Variants in CEP63 observed in about 807,000 individuals in gnomAD.
The protein encoded by CEP63 is centrosomal protein 63, also known as centrosomal protein of 63 kDa.
In CEP63, 84 loss-of-function variants were observed where a neutral mutation model predicts 89.1. The ratio of observed to expected loss-of-function variants is 0.94; its 90% CI spans 0.79 to 1.13. The LOEUF is 1.13. Among genes scored for constraint, CEP63 ranks in the 50% most tolerant of loss-of-function variants. The pLI is 0.00. For synonymous variants in CEP63, 267 were observed against 272.5 expected, an observed-to-expected ratio of 0.98 and a Z score of 0.20; for missense variants, 838 against 813.3, an observed-to-expected ratio of 1.03 and a Z score of -0.37.
the CEP63 span, among the ~76,000 whole-genome samples, chr3:134,766,840 T>G: frequency 1.3e-5 from 2 of 152,214 alleles, no homozygotes; most frequent in South Asian, 4.2e-4. Context: ...GCCTTTAAGT[T>G]TCAGTTTGCC....
At chr3:134,524,910 A>G (rs1456491985) in intron 3 of CEP63, among the ~76,000 whole-genome samples, 1 of 152,174 alleles carries the variant, frequency 6.6e-6, no homozygotes, top group East Asian at 1.9e-4. Context: ...TGGGTTAGAG[A>G]GGAGTCCCTC....
chr3:134,661,272 A>C, the CEP63 span, among the ~76,000 whole-genome samples: 1 of 152,086 alleles, frequency 6.6e-6, no homozygotes, highest in South Asian at 2.1e-4. Flanking sequence ...CCACTTAGCT[A>C]TTCCTTCCAT....
the CEP63 span, among the ~76,000 whole-genome samples, chr3:134,767,353 CTG>C: frequency 6.6e-6 from 1 of 152,146 alleles, no homozygotes; most frequent in East Asian, 1.9e-4. Context: ...AACTAAAAGA[CTG>C]TTTCAATTGG....
the CEP63 span, chr3:134,619,308 A>G: frequency 6.8e-7 from 1 of 1,480,500 alleles, no homozygotes; most frequent in African/African-American, 1.4e-5. Context: ...TGAGCCTGGG[A>G]GGCGAGAAGA....
the CEP63 span, among the ~76,000 whole-genome samples, chr3:134,781,939 A>G: frequency 6.6e-6 from 1 of 152,200 alleles, no homozygotes; most frequent in Non-Finnish European, 1.5e-5. Context: ...GACTGGAAAC[A>G]AGGAGAGTAG....
At chr3:134,610,109 T>C in the CEP63 span, 1 of 1,437,328 alleles carries the variant, frequency 7.0e-7, no homozygotes, top group Non-Finnish European at 9.6e-7. Context: ...TCCCGCTTGG[T>C]CTTCTCCACC....
downstream of CEP63, among the ~76,000 whole-genome samples, chr3:134,568,497 C>G (rs1204085438): frequency 6.6e-6 from 1 of 152,162 alleles, no homozygotes; most frequent in Non-Finnish European, 1.5e-5. Flanking sequence ...CAGTGCTTCC[C>G]CAAGGATCCC....
chr3:134,771,644 T>C, the CEP63 span, among the ~76,000 whole-genome samples: 2 of 152,040 alleles, frequency 1.3e-5, no homozygotes, highest in Non-Finnish European at 2.9e-5. Flanking sequence ...TGTCAGTGGG[T>C]GGTGGGATAG....
the CEP63 span, chr3:134,604,290 G>A: frequency 1.2e-6 from 2 of 1,613,880 alleles, no homozygotes; most frequent in Non-Finnish European, 1.7e-6. Flanking sequence ...GCACTGAGCT[G>A]TAGATGTCGG....
chr3:134,507,191 T>A lies in CEP63; in HGVS notation c.127T>A (p.Trp43Arg). The change falls in exon 3 of 15, where the codon TGG becomes AGG. Residue 43 changes from tryptophan to arginine, a missense_variant. Coordinates refer to ENST00000675561, the MANE Select transcript of CEP63 (RefSeq NM_001353108.3). ...DIMVAHKKSEWEGRTHALETC... is the reference protein window; with the variant it reads ...DIMVAHKKSEREGRTHALETC... ...AATGGTGGCTCATAAAAAATCTGAATGGGAAGGACGTACACATGCTCTAGA... is the reference window on the plus strand; with the variant it reads ...AATGGTGGCTCATAAAAAATCTGAAAGGGAAGGACGTACACATGCTCTAGA... 1 of 1,613,730 alleles carries A rather than the reference T, an allele frequency of 6.2e-7. No individual in the cohort carries two copies. The highest frequency in any genetic ancestry group is 8.5e-7 in the Non-Finnish European group (1 of 1,179,818).
chr3:134,487,340 A>C (rs569675072), intron 1 of CEP63, among the ~76,000 whole-genome samples: 1 of 152,356 alleles, frequency 6.6e-6, no homozygotes, highest in Non-Finnish European at 1.5e-5. Context: ...AAAAGCTCTG[A>C]AACTAAATTA....
the CEP63 span, among the ~76,000 whole-genome samples, chr3:134,753,400 G>A: frequency 2.0e-5 from 3 of 152,142 alleles, no homozygotes; most frequent in Admixed American, 6.5e-5. Context: ...TATATGGGCC[G>A]AAAGTGCACA....
At chr3:134,497,592 A>C (rs1339511629) in intron 2 of CEP63, among the ~76,000 whole-genome samples, 1 of 151,882 alleles carries the variant, frequency 6.6e-6, no homozygotes, top group East Asian at 1.9e-4. Flanking sequence ...CAGTTCTTGA[A>C]CTCCTGGCCT....
At chr3:134,582,804 A>G (rs1958392729) in intron 10 of CEP63, among the ~76,000 whole-genome samples, 1 of 152,176 alleles carries the variant, frequency 6.6e-6, no homozygotes, top group African/African-American at 2.4e-5. Context: ...AACAATGTAA[A>G]GGCACTTCTA....
chr3:134,771,785 G>A, the CEP63 span, among the ~76,000 whole-genome samples: 2 of 151,938 alleles, frequency 1.3e-5, no homozygotes, highest in African/African-American at 4.8e-5. Flanking sequence ...AGAACTTAAA[G>A]TATATTTTTT....
At chr3:134,700,276 G>C in the CEP63 span, among the ~76,000 whole-genome samples, 1 of 152,128 alleles carries the variant, frequency 6.6e-6, no homozygotes, top group African/African-American at 2.4e-5. Context: ...TGGCCCTGGC[G>C]CTCAACAGCT....
chr3:134,617,603 T>C, the CEP63 span, among the ~76,000 whole-genome samples: 1 of 152,232 alleles, frequency 6.6e-6, no homozygotes, highest in Admixed American at 6.5e-5. Context: ...AGTAATAATT[T>C]CTTTTTTGCT....
chr3:134,600,527 A>G, the CEP63 span, among the ~76,000 whole-genome samples: 1 of 152,310 alleles, frequency 6.6e-6, no homozygotes, highest in East Asian at 1.9e-4. Flanking sequence ...CAGCTGAGCT[A>G]TGGCACTTCT....
intron 6 of CEP63, among the ~76,000 whole-genome samples, chr3:134,541,202 T>C (rs1283891644): frequency 6.6e-6 from 1 of 152,224 alleles, no homozygotes; most frequent in Non-Finnish European, 1.5e-5. Context: ...TTTTGCCCAG[T>C]ATTTTTTATG....
Sources: gnomAD v4.1 joint callset for allele counts (sites outside exome capture counted in the v4.1 genomes callset) on GRCh38, gnomAD v4.1.1 for gene constraint, MANE v1.5 for transcripts, NCBI Gene and HGNC (gene_info 2026-07-23, HGNC 2026-07-21) for gene names.